SLC3A1: variants seen among roughly 807,000 people sequenced by gnomAD.
SLC3A1 encodes solute carrier family 3 member 1.
A neutral mutation model predicts 60.3 loss-of-function variants in SLC3A1; 78 were observed. The observed-to-expected ratio is 1.29, with a 90% CI of 1.08 to 1.56. SLC3A1 has a LOEUF of 1.56. Ranked by LOEUF, SLC3A1 falls within the 40% of genes most tolerant of loss-of-function variation. The probability of loss-of-function intolerance (pLI) is 0.00; values close to 1 mark genes in which losing one functional copy is unlikely to be tolerated. For missense variants in SLC3A1, 1,172 were observed against 858.9 expected, an observed-to-expected ratio of 1.36 and a Z score of -4.56; for synonymous variants, 392 against 307.9, an observed-to-expected ratio of 1.27 and a Z score of -2.86.
At chr2:44,317,958 C>A in intron 9 of SLC3A1, 2 of 261,412 alleles carry the variant, frequency 7.7e-6, no homozygotes, top group Non-Finnish European at 1.5e-5. Flanking sequence ...ATATAGCAAG[C>A]AAATAATAGA....
intron 7 of SLC3A1, among the ~76,000 whole-genome samples, chr2:44,311,585 A>T (rs1017428548): frequency 6.6e-6 from 1 of 152,194 alleles, no homozygotes; most frequent in African/African-American, 2.4e-5. Flanking sequence ...TCTTGTCAGA[A>T]GATCTCATGA....
intron 4 of SLC3A1, among the ~76,000 whole-genome samples, chr2:44,290,009 A>G (rs6719144): frequency 0.057 from 8,670 of 152,090 alleles, 826 homozygotes; most frequent in African/African-American, 0.2. Context: ...CAAGGTCATG[A>G]AGATTTACTC....
intron 1 of SLC3A1, among the ~76,000 whole-genome samples, chr2:44,279,782 C>T (rs35347977): frequency 0.54 from 81,272 of 151,870 alleles, 22,189 homozygotes; most frequent in Non-Finnish European, 0.6. Flanking sequence ...AGACTGGTCT[C>T]GAACACCTGA....
chr2:44,281,935 C>T (rs1671509089), intron 3 of SLC3A1, among the ~76,000 whole-genome samples: 1 of 152,076 alleles, frequency 6.6e-6, no homozygotes, highest in South Asian at 2.1e-4. Context: ...AGTGCAATAG[C>T]ACAATCTCAG....
At position 44,280,777 on chromosome 2, in the gene SLC3A1, A is replaced by C. The variant is rs1387815542; in HGVS notation, c.492A>C (p.Ser164=). ...ALNIKTVWIT[S]FYKSSLKDFR... The stretch of plus-strand genomic sequence containing the variant: ...ATATAAAAACTGTTTGGATTACTTC[A>C]TTTTATAAATCGTCCCTTAAAGATT... The change falls in exon 2 of 10, where the codon TCA becomes TCC. Residue 164 remains serine (S), a synonymous_variant. Transcript: ENST00000260649. 2.5e-6 allele frequency: 4 copies of C among 1,612,380 alleles called. No homozygotes were observed. The highest frequency in any genetic ancestry group is 3.4e-6 in the Non-Finnish European group (4 of 1,178,400).
chr2:44,303,583 T>C (rs1672073050), intron 6 of SLC3A1, among the ~76,000 whole-genome samples: 3 of 151,852 alleles, frequency 2.0e-5, no homozygotes, highest in African/African-American at 7.3e-5. Context: ...TTTTCTGCCT[T>C]ATTTTTTATT....
chr2:44,319,493 C>T (rs1672739197), intron 9 of SLC3A1: 1 of 152,120 alleles, frequency 6.6e-6, no homozygotes, highest in Non-Finnish European at 1.5e-5. Context: ...TCATTAAAAA[C>T]ATTTATGGAG....
At chr2:44,291,074 T>A (rs979645426) in intron 4 of SLC3A1, among the ~76,000 whole-genome samples, 2 of 152,206 alleles carry the variant, frequency 1.3e-5, no homozygotes, top group African/African-American at 4.8e-5. Flanking sequence ...TCCTTGGGAG[T>A]CATGGAGCAG....
rs1479604273 is a variant in SLC3A1 at position 44,321,268 on chromosome 2, GTTA to G, written c.*633_*635del. 2.1e-5 allele frequency: 24 copies of G among 1,146,288 alleles called. No individual in the cohort carries two copies. In the South Asian group the frequency reaches 3.1e-4, roughly 15 times the overall value. 71.0% of individuals were successfully genotyped at this position (1,146,288 alleles called of 1,614,324 possible). On this transcript the variant is annotated 3_prime_UTR_variant, in exon 10 of 10. Transcript: ENST00000260649. ...AAAATTAATAACTTAAAAGTCTCAA[GTTA>G]TTAATTTTTTTTTTGCTAACTCAAT... is the stretch of plus-strand genomic sequence containing the variant.
intron 4 of SLC3A1, among the ~76,000 whole-genome samples, chr2:44,286,986 T>C (rs1427702670): frequency 6.6e-6 from 1 of 152,164 alleles, no homozygotes; most frequent in East Asian, 1.9e-4. Context: ...TTGGTGGCAA[T>C]ATTTGTCTCA....
In SLC3A1 at chr2:44,282,223, T is replaced by C. The variant is rs115812520; in HGVS notation, c.765+682T>C. Among the ~76,000 whole-genome samples the C allele has an allele frequency of 5.1e-3, 778 of 152,208 alleles. 6 individuals carry two copies. Among genetic ancestry groups the C allele is most frequent in the African/African-American group, 0.018 (736 of 41,508 alleles). ...CCTCTGTCTGACAAAACCCTAGCCA[T>C]GAATGAACCCAATTATCTATTTTCT... On this transcript the variant is annotated intron_variant, in intron 3 of 9. Transcript: ENST00000260649.
chr2:44,307,520 T>C (rs1029706263), intron 7 of SLC3A1, among the ~76,000 whole-genome samples: 4 of 151,958 alleles, frequency 2.6e-5, no homozygotes, highest in Admixed American at 1.3e-4. Context: ...TCTGCCTTTC[T>C]GATGATGGCC....
At chr2:44,289,216 T>G (rs1055344214) in intron 4 of SLC3A1, among the ~76,000 whole-genome samples, 2 of 147,956 alleles carry the variant, frequency 1.4e-5, no homozygotes, top group Non-Finnish European at 3.0e-5. Flanking sequence ...TTTCTTTTTT[T>G]CTTTTTTTTT....
intron 4 of SLC3A1, 146 bp from the exon 5 acceptor site, chr2:44,299,825 G>A: frequency 1.2e-6 from 1 of 841,406 alleles, no homozygotes; most frequent in East Asian, 2.5e-5. Context: ...ATGCTAAATA[G>A]ATAAAAATAG....
At chr2:44,301,521 A>G (rs1672007423) in intron 6 of SLC3A1, 1 of 352,276 alleles carries the variant, frequency 2.8e-6, no homozygotes, top group Non-Finnish European at 5.4e-6. Flanking sequence ...CAGGCGGATC[A>G]CGAGGTCAGG....
intron 4 of SLC3A1, among the ~76,000 whole-genome samples, chr2:44,298,221 T>C (rs1034223718): frequency 6.6e-6 from 1 of 152,186 alleles, no homozygotes; most frequent in African/African-American, 2.4e-5. Context: ...CAGCCTTTTC[T>C]GATTAAAAAT....
In SLC3A1 at chr2:44,281,449, T is replaced by C. The variant is rs753086483; in HGVS notation, c.673T>C (p.Leu225=). The C allele has an allele frequency of 2.2e-5, 35 of 1,613,722 alleles. No individual in the cohort carries two copies. The highest frequency in any genetic ancestry group is 2.6e-5 in the Non-Finnish European group (31 of 1,179,702). The change falls in exon 3 of 10, where the codon TTG becomes CTG. Residue 225 remains leucine, a synonymous_variant. Transcript: ENST00000260649. ...GAGTGATAAACATATTTGGTTTCAATTGAGTCGGACACGGACAGGAAAATA... is the reference window on the plus strand; with the variant it reads ...GAGTGATAAACATATTTGGTTTCAACTGAGTCGGACACGGACAGGAAAATA... ...HTSDKHIWFQ[L]SRTRTGKYTD...
chr2:44,320,278 A>G lies in SLC3A1; in HGVS notation c.1697A>G (p.Asn566Ser). Residue 566 changes from asparagine to serine, a missense_variant, in exon 10 of 10, where the codon AAC becomes AGC. Coordinates refer to ENST00000260649, the MANE Select transcript of SLC3A1 (RefSeq NM_000341.4). ...SLLHANELLL[N>S]RGWFCHLRND... ...CTTCATGCCAATGAGCTACTCCTCAACAGGGGCTGGTTTTGCCATTTGAGG... is the reference window on the plus strand; with the variant it reads ...CTTCATGCCAATGAGCTACTCCTCAGCAGGGGCTGGTTTTGCCATTTGAGG... The G allele has an allele frequency of 6.2e-7, 1 of 1,614,104 alleles. No individual in the cohort carries two copies. Among genetic ancestry groups the G allele is most frequent in the Non-Finnish European group, 8.5e-7 (1 of 1,179,960 alleles).
chr2:44,308,129 C>A (rs939817445), intron 7 of SLC3A1, among the ~76,000 whole-genome samples: 3 of 152,152 alleles, frequency 2.0e-5, no homozygotes, highest in South Asian at 4.2e-4. Context: ...CAGAGTGAGA[C>A]CCCGTCTCTA....
Sources: allele counts gnomAD v4.1 joint callset (sites outside exome capture counted in the v4.1 genomes callset), GRCh38; gene constraint gnomAD v4.1.1; transcripts MANE v1.5; gene names NCBI Gene and HGNC (gene_info 2026-07-23, HGNC 2026-07-21).